Variants in NTNG1 observed in about 807,000 individuals in gnomAD.
The protein encoded by NTNG1 is netrin G1.
Under a neutral mutation model 54.0 loss-of-function variants are expected in NTNG1, and 16 were observed. The observed-to-expected ratio is 0.30, with a 90% CI of 0.20 to 0.45. The LOEUF is 0.45. Ranked by LOEUF, NTNG1 falls within the 20% of genes least tolerant of loss-of-function variation. The pLI is 1.00. For missense variants in NTNG1, 530 were observed against 678.7 expected (o/e 0.78, Z 2.43); for synonymous variants, 255 against 263.1 (o/e 0.97, Z 0.30).
chr1:107,217,353 C>T (rs568225078), intron 2 of NTNG1, among the ~76,000 whole-genome samples: 13 of 152,124 alleles, frequency 8.5e-5, no homozygotes, highest in Admixed American at 3.3e-4. Context: ...TGGTTAATCT[C>T]GCTAATGGTC....
intron 2 of NTNG1, among the ~76,000 whole-genome samples, chr1:107,263,321 C>G (rs138869596): frequency 7.0e-6 from 1 of 143,600 alleles, no homozygotes. Context: ...TCCTTCCTTC[C>G]TTCTTTCCTT....
At chr1:107,432,598 G>A (rs530871477) in intron 6 of NTNG1, among the ~76,000 whole-genome samples, 2 of 152,288 alleles carry the variant, frequency 1.3e-5, no homozygotes, top group East Asian at 3.9e-4. Context: ...TTTGAAGGCA[G>A]AGTACATTTT....
intron 2 of NTNG1, among the ~76,000 whole-genome samples, chr1:107,283,124 GAC>G (rs369461329): frequency 5.1e-4 from 78 of 152,192 alleles, no homozygotes; most frequent in Admixed American, 7.9e-4. Context: ...CAAACTTTCA[GAC>G]CCTAGCAAGG....
chr1:107,239,755 A>C (rs180758395), intron 2 of NTNG1, among the ~76,000 whole-genome samples: 82 of 152,286 alleles, frequency 5.4e-4, no homozygotes, highest in African/African-American at 1.8e-3. Context: ...GTGGGGCAGA[A>C]TAGATTAGGA....
chr1:107,227,116 T>C lies in NTNG1; in HGVS notation c.246+78277T>C, dbSNP rs146768318. ...CCTGGGGTCTGAGTTTCAGCTCTTC[T>C]GTCTGGTGGCAGTGTGACTATGGGC... On this transcript the variant is annotated intron_variant, in intron 2 of 7. Transcript: ENST00000370068. 1.9e-3 allele frequency among the ~76,000 whole-genome samples: 288 copies of C among 152,226 alleles called. 2 individuals carry two copies. The highest frequency in any genetic ancestry group is 6.6e-3 in the African/African-American group (274 of 41,556).
chr1:107,298,800 A>G (rs1281871501), intron 2 of NTNG1, among the ~76,000 whole-genome samples: 1 of 152,122 alleles, frequency 6.6e-6, no homozygotes, highest in East Asian at 1.9e-4. Flanking sequence ...CCTCAAATGA[A>G]CCATTTCAGC....
intron 2 of NTNG1, among the ~76,000 whole-genome samples, chr1:107,219,778 C>T (rs953784884): frequency 6.6e-6 from 1 of 152,180 alleles, no homozygotes; most frequent in East Asian, 1.9e-4. Flanking sequence ...TGGATACCAG[C>T]ACCTACTTGG....
intron 2 of NTNG1, among the ~76,000 whole-genome samples, chr1:107,296,207 T>C (rs1187328016): frequency 6.6e-6 from 1 of 152,178 alleles, no homozygotes; most frequent in Non-Finnish European, 1.5e-5. Flanking sequence ...GGGAACTTAC[T>C]GAATTTTCAT....
rs116373958 is a variant in NTNG1 at position 107,444,883 on chromosome 1, G to A, written c.1390+8084G>A. 8.3e-3 allele frequency among the ~76,000 whole-genome samples: 1,267 copies of A among 152,162 alleles called. 19 individuals are homozygous for A. Among genetic ancestry groups the A allele is most frequent in the African/African-American group, 0.029 (1,206 of 41,528 alleles). On this transcript the variant is annotated intron_variant, in intron 7 of 7. Coordinates refer to ENST00000370068, the MANE Select transcript of NTNG1 (RefSeq NM_001113226.3). ...ACAATATGTGAAGCTCTTTTCTTAC[G>A]TAAGTACATAAGTGGAGTTTCACCT...
In NTNG1 at chr1:107,350,200, C is replaced by A. The variant is rs1349884995; in HGVS notation, c.887+25278C>A. ...TCTTGTTTCTTATATTGGGAAATAT[C>A]TTTCCCTGTATTTTGCCCATTTTTA... On this transcript the variant is annotated intron_variant, in intron 3 of 7. Transcript: ENST00000370068. Among the ~76,000 whole-genome samples the A allele has an allele frequency of 2.6e-5, 4 of 152,018 alleles. No individual in the cohort carries two copies. In the East Asian group the frequency reaches 7.7e-4, roughly 29 times the overall value.
chr1:107,224,597 G>A (rs572687606), intron 2 of NTNG1, among the ~76,000 whole-genome samples: 40 of 152,182 alleles, frequency 2.6e-4, no homozygotes, highest in South Asian at 1.5e-3. Context: ...AGCTTCTTTT[G>A]TGGTCAGACA....
At chr1:107,196,492 A>G (rs1278253400) in intron 2 of NTNG1, among the ~76,000 whole-genome samples, 2 of 152,186 alleles carry the variant, frequency 1.3e-5, no homozygotes, top group East Asian at 3.9e-4. Flanking sequence ...AGTTGAGGAA[A>G]GTAGATCGTG....
intron 3 of NTNG1, among the ~76,000 whole-genome samples, chr1:107,393,395 A>C (rs1309953567): frequency 6.6e-6 from 1 of 152,192 alleles, no homozygotes; most frequent in East Asian, 1.9e-4. Flanking sequence ...GCAACCTAGC[A>C]CAAGTAATTC....
rs540843923 is a variant in NTNG1, at chr1:107,264,082, CTT to C, written c.247-60199_247-60198del. ...GATTAATCTATAGTCCTCTCTCTCT[CTT>C]GTTATTTGATTAAACAGATCCATGC... On this transcript the variant is annotated intron_variant, in intron 2 of 7. Transcript: ENST00000370068. Among the ~76,000 whole-genome samples, 331 of 152,162 alleles carry C rather than the reference CTT, an allele frequency of 2.2e-3. 2 individuals are homozygous for C. The highest frequency in any genetic ancestry group is 7.5e-3 in the African/African-American group (312 of 41,536).
intron 2 of NTNG1, among the ~76,000 whole-genome samples, chr1:107,174,010 T>G (rs1221836099): frequency 1.3e-5 from 2 of 152,118 alleles, no homozygotes; most frequent in African/African-American, 4.8e-5. Flanking sequence ...CTAGATCACA[T>G]ATTCCACAAC....
intron 5 of NTNG1, 94 bp downstream of exon 5, chr1:107,407,802 A>G: frequency 9.4e-7 from 1 of 1,069,038 alleles, no homozygotes; most frequent in Non-Finnish European, 1.5e-6. Context: ...CCCAGTGTCC[A>G]TTTCTGATGT....
At chr1:107,273,949 AG>A (rs1664313259) in intron 2 of NTNG1, among the ~76,000 whole-genome samples, 2 of 38,666 alleles carry the variant, frequency 5.2e-5, no homozygotes, top group African/African-American at 1.8e-4. Flanking sequence ...ATGATTATCC[AG>A]TAACTTGACT....
At chr1:107,321,907 A>C (rs1174632752) in intron 2 of NTNG1, among the ~76,000 whole-genome samples, 1 of 152,076 alleles carries the variant, frequency 6.6e-6, no homozygotes, top group Non-Finnish European at 1.5e-5. Flanking sequence ...CCTCTTACTG[A>C]CTTTATTATG....
At chr1:107,289,737 A>T (rs987485666) in intron 2 of NTNG1, among the ~76,000 whole-genome samples, 1 of 152,200 alleles carries the variant, frequency 6.6e-6, no homozygotes, top group Non-Finnish European at 1.5e-5. Flanking sequence ...TACTGCATAC[A>T]GCCTGGCATA....
Sources: gnomAD v4.1 joint callset for allele counts (sites outside exome capture counted in the v4.1 genomes callset) on GRCh38, gnomAD v4.1.1 for gene constraint, MANE v1.5 for transcripts, NCBI Gene and HGNC (gene_info 2026-07-23, HGNC 2026-07-21) for gene names.